Variants in PPP1R12A observed in about 807,000 individuals in gnomAD.
PPP1R12A encodes myosin binding subunit.
Under a neutral mutation model 139.6 loss-of-function variants are expected in PPP1R12A, and 19 were observed. The observed-to-expected ratio is 0.14, with a 90% CI of 0.09 to 0.20. The LOEUF is 0.20. Ranked by LOEUF, PPP1R12A falls within the 10% of genes least tolerant of loss-of-function variation. The pLI, the probability that PPP1R12A is intolerant of heterozygous loss-of-function variation, is 1.00. For synonymous variants in PPP1R12A, 427 were observed against 420.6 expected (o/e 1.02, Z -0.19); for missense variants, 925 against 1,211.5 (o/e 0.76, Z 3.51).
At chr12:79,815,465 G>A (rs1049273220) in intron 9 of PPP1R12A, among the ~76,000 whole-genome samples, 8 of 151,366 alleles carry the variant, frequency 5.3e-5, no homozygotes, top group Non-Finnish European at 1.0e-4. Flanking sequence ...ATGTTGCAAT[G>A]AGCCAAGATC....
At position 79,926,681 on chromosome 12, in the gene PPP1R12A, T is replaced by A. The variant is rs184418473; in HGVS notation, c.237+8014A>T. On this transcript the variant is annotated intron_variant, in intron 1 of 24. Transcript: ENST00000450142. Reference sequence around the variant, plus strand: ...AGTTTACATTGTGTCCAATTTTTTTTAATCATTAAATATTTATTGTGTACC... The same window carrying A: ...AGTTTACATTGTGTCCAATTTTTTTAAATCATTAAATATTTATTGTGTACC... Among the ~76,000 whole-genome samples the A allele has an allele frequency of 4.1e-3, 631 of 152,300 alleles. 2 individuals are homozygous for A. Among genetic ancestry groups the A allele is most frequent in the African/African-American group, 0.014 (600 of 41,562 alleles).
intron 1 of PPP1R12A, among the ~76,000 whole-genome samples, chr12:79,880,469 T>C (rs901977168): frequency 1.3e-5 from 2 of 152,172 alleles, no homozygotes; most frequent in South Asian, 4.1e-4. Context: ...AAGATCTGAA[T>C]ATAATGCAAA....
chr12:79,835,638 G>GA (rs1479906027), intron 3 of PPP1R12A, among the ~76,000 whole-genome samples: 1 of 152,094 alleles, frequency 6.6e-6, no homozygotes, highest in Non-Finnish European at 1.5e-5. Context: ...TGCTGGACTG[G>GA]AAAAAATAAA....
At chr12:79,858,797 CA>C (rs1880975609) in intron 2 of PPP1R12A, among the ~76,000 whole-genome samples, 1 of 152,118 alleles carries the variant, frequency 6.6e-6, no homozygotes, top group Non-Finnish European at 1.5e-5. Context: ...AGGTTTAGCA[CA>C]AAGCCTAGAA....
At chr12:79,892,383 T>C (rs1884735536) in intron 1 of PPP1R12A, among the ~76,000 whole-genome samples, 1 of 152,162 alleles carries the variant, frequency 6.6e-6, no homozygotes, top group Non-Finnish European at 1.5e-5. Flanking sequence ...GATTAACAAG[T>C]AAAAACTATA....
At chr12:79,848,632 C>G (rs908380552) in intron 2 of PPP1R12A, among the ~76,000 whole-genome samples, 1 of 152,092 alleles carries the variant, frequency 6.6e-6, no homozygotes, top group African/African-American at 2.4e-5. Context: ...CAAAAGATTA[C>G]GTACGTGTGT....
chr12:79,820,873 G>C lies in PPP1R12A; in HGVS notation c.1015C>G (p.Gln339Glu), dbSNP rs1441489718. 1 of 1,613,316 alleles carries C rather than the reference G, an allele frequency of 6.2e-7. No individual in the cohort carries two copies. Among genetic ancestry groups the C allele is most frequent in the Non-Finnish European group, 8.5e-7 (1 of 1,179,718 alleles). Residue 339 changes from glutamine to glutamate, a missense_variant, in exon 8 of 25, where the codon CAA (glutamine) becomes GAA (glutamate). Coordinates refer to ENST00000450142, the MANE Select transcript of PPP1R12A (RefSeq NM_002480.3). ...KNASRIESLE[Q>E]EKVDEEEEGK... Reference sequence around the variant, plus strand: ...TCTTCTTCTTCATCAACCTTTTCTTGTTCCAGAGATTCAATACGGGATGCA... The same window carrying C: ...TCTTCTTCTTCATCAACCTTTTCTTCTTCCAGAGATTCAATACGGGATGCA...
intron 5 of PPP1R12A, among the ~76,000 whole-genome samples, chr12:79,822,404 G>T (rs943043102): frequency 2.0e-5 from 3 of 151,898 alleles, no homozygotes; most frequent in African/African-American, 7.3e-5. Flanking sequence ...TATTTTTTTG[G>T]TAACAGCTTT....
Position 79,808,507 on chromosome 12 carries a change from G to A in PPP1R12A, c.1526C>T (p.Ser509Phe). 6.2e-7 allele frequency: 1 copy of A among 1,606,064 alleles called. No individual in the cohort carries two copies. The highest frequency in any genetic ancestry group is 8.5e-7 in the Non-Finnish European group (1 of 1,173,874). The change falls in exon 11 of 25, where the codon TCT becomes TTT. Residue 509 changes from serine (S) to phenylalanine (F), a missense_variant. By Grantham distance (155) the Ser-to-Phe change is radical. Transcript: ENST00000450142. ...CCTGTTTTCTTTCTCTTCAATGTCA[G>A]ATGTACTGGCTAGTCGTCTTGGTAT... ...PTIPRRLAST[S>F]DIEEKENRDS...
chr12:79,843,258 T>G (rs1878966852), intron 3 of PPP1R12A, among the ~76,000 whole-genome samples: 1 of 152,174 alleles, frequency 6.6e-6, no homozygotes, highest in Non-Finnish European at 1.5e-5. Context: ...ATTATTCAAT[T>G]TCAAAGAGTT....
chr12:79,839,189 T>G (rs1053700943), intron 3 of PPP1R12A, among the ~76,000 whole-genome samples: 2 of 152,206 alleles, frequency 1.3e-5, no homozygotes, highest in East Asian at 3.8e-4. Flanking sequence ...GATTTCACAC[T>G]TCCATGGGGC....
rs535961222 is a variant in PPP1R12A, at chr12:79,919,378, A to T, written c.237+15317T>A. ...AAGACCAGCCTGACCAACATGGTGAAACCCCATCTCTACTAAAAATACAAA... is the reference window on the plus strand; with the variant it reads ...AAGACCAGCCTGACCAACATGGTGATACCCCATCTCTACTAAAAATACAAA... On this transcript the variant is annotated intron_variant, in intron 1 of 24. Transcript: ENST00000450142. Among the ~76,000 whole-genome samples the T allele has an allele frequency of 1.4e-4, 21 of 151,862 alleles. 1 individual carries two copies. The highest frequency in any genetic ancestry group is 4.1e-4 in the African/African-American group (17 of 41,422).
intron 2 of PPP1R12A, among the ~76,000 whole-genome samples, chr12:79,859,367 A>C (rs539871374): frequency 1.5e-4 from 22 of 150,682 alleles, no homozygotes; most frequent in African/African-American, 3.4e-4. Context: ...AAAAAAAAAA[A>C]AACAACAGTG....
rs143933843 is a variant in PPP1R12A at position 79,902,347 on chromosome 12, T to C, written c.238-29409A>G. Among the ~76,000 whole-genome samples, 730 of 152,314 alleles carry C rather than the reference T, an allele frequency of 4.8e-3. 5 individuals carry two copies. Among genetic ancestry groups the C allele is most frequent in the Middle Eastern group, 0.01 (3 of 294 alleles). Reference sequence around the variant, plus strand: ...CCTTTCATTAGTACTGCGTTTTATATATTATTTTATACATACAGTATTTCA... The same window carrying C: ...CCTTTCATTAGTACTGCGTTTTATACATTATTTTATACATACAGTATTTCA... On this transcript the variant is annotated intron_variant, in intron 1 of 24. Coordinates refer to ENST00000450142, the MANE Select transcript of PPP1R12A (RefSeq NM_002480.3).
At chr12:79,828,538 A>G (rs1467434406) in intron 4 of PPP1R12A, 74 bp from the exon 5 acceptor site, 2 of 1,160,392 alleles carry the variant, frequency 1.7e-6, no homozygotes, top group Non-Finnish European at 1.2e-6. Context: ...GCTATCTATC[A>G]TGCAATTTAA....
intron 23 of PPP1R12A, chr12:79,780,760 TA>T (rs1016735673): frequency 6.6e-6 from 1 of 152,148 alleles, no homozygotes; most frequent in Non-Finnish European, 1.5e-5. Context: ...TTAAATTTAT[TA>T]AAACAATATT....
At chr12:79,887,118 T>A (rs1455749194) in intron 1 of PPP1R12A, among the ~76,000 whole-genome samples, 2 of 152,176 alleles carry the variant, frequency 1.3e-5, no homozygotes, top group Non-Finnish European at 2.9e-5. Flanking sequence ...CTAGAGGGCA[T>A]ATTTTCCTGT....
At chr12:79,805,470 TATTTC>T in intron 14 of PPP1R12A, 117 bp downstream of exon 14, 7 of 801,022 alleles carry the variant, frequency 8.7e-6, no homozygotes, top group Non-Finnish European at 1.3e-5. Context: ...GCTGACAGGG[TATTTC>T]ATTTATTAGT....
chr12:79,900,874 G>T (rs10506820), intron 1 of PPP1R12A, among the ~76,000 whole-genome samples: 119,297 of 152,042 alleles, frequency 0.78, 49,323 homozygotes, highest in Non-Finnish European at 0.93. Context: ...AAATCAGGAG[G>T]AGAATTTCCA....
Sources: allele counts gnomAD v4.1 joint callset (sites outside exome capture counted in the v4.1 genomes callset), GRCh38; gene constraint gnomAD v4.1.1; transcripts MANE v1.5; gene names NCBI Gene and HGNC (gene_info 2026-07-23, HGNC 2026-07-21).